The following RBFOX1 variants were observed in gnomAD, a reference collection of about 807,000 sequenced individuals.
RBFOX1 encodes RNA binding protein fox-1 homolog 1.
RBFOX1 carries 8 observed loss-of-function variants against 57.7 expected under a neutral mutation model. The ratio of observed to expected loss-of-function variants is 0.14; its 90% CI spans 0.08 to 0.25. RBFOX1 has a LOEUF of 0.25. Ranked by LOEUF, RBFOX1 falls within the 10% of genes least tolerant of loss-of-function variation. The pLI is 1.00. For synonymous variants in RBFOX1, 326 were observed against 222.4 expected, an observed-to-expected ratio of 1.47 and a Z score of -4.15; for missense variants, 611 against 548.5, an observed-to-expected ratio of 1.11 and a Z score of -1.14.
Position 7,189,139 on chromosome 16 carries a change from C to G in RBFOX1, c.27+137041C>G, listed in dbSNP as rs766819651. On this transcript the variant is annotated intron_variant, in intron 4 of 15. Coordinates refer to ENST00000550418, the MANE Select transcript of RBFOX1 (RefSeq NM_018723.4). ...AAGGAGTGATTTCTAGAAAGGAATC[C>G]TCAGGGCTGGGCACGGTGGCTCATG... 8.1e-4 allele frequency among the ~76,000 whole-genome samples: 123 copies of G among 151,940 alleles called. 1 individual carries two copies. The highest frequency in any genetic ancestry group is 9.2e-4 in the Admixed American group (14 of 15,236).
intron 1 of RBFOX1, among the ~76,000 whole-genome samples, chr16:6,061,319 A>C (rs1269521919): frequency 1.3e-5 from 2 of 152,182 alleles, no homozygotes; most frequent in Admixed American, 1.3e-4. Flanking sequence ...TTCAGAAGAC[A>C]CAACTACAAC....
At chr16:6,670,044 C>T (rs78843373) in intron 3 of RBFOX1, among the ~76,000 whole-genome samples, 1 of 152,132 alleles carries the variant, frequency 6.6e-6, no homozygotes, top group Non-Finnish European at 1.5e-5. Flanking sequence ...TATATTGAGA[C>T]AGGGCCTTGC....
At chr16:7,192,645 A>G (rs370882912) in intron 4 of RBFOX1, among the ~76,000 whole-genome samples, 7 of 152,312 alleles carry the variant, frequency 4.6e-5, no homozygotes, top group African/African-American at 1.7e-4. Flanking sequence ...AGTTTAGATC[A>G]TAGTATTGTT....
intron 2 of RBFOX1, among the ~76,000 whole-genome samples, chr16:6,463,680 A>T (rs1252488077): frequency 6.6e-6 from 1 of 152,210 alleles, no homozygotes; most frequent in Non-Finnish European, 1.5e-5. Context: ...TCACCATGTC[A>T]TTTAGCTCTC....
intron 4 of RBFOX1, among the ~76,000 whole-genome samples, chr16:7,377,827 G>C (rs1465310946): frequency 6.6e-6 from 1 of 152,156 alleles, no homozygotes; most frequent in Non-Finnish European, 1.5e-5. Flanking sequence ...AAGGAATTGA[G>C]AGTAACAAGC....
At chr16:5,564,036 C>T (rs947809391) in intron 2 of RBFOX1, among the ~76,000 whole-genome samples, 3 of 152,018 alleles carry the variant, frequency 2.0e-5, no homozygotes, top group African/African-American at 7.3e-5. Flanking sequence ...TATTTTTAGA[C>T]TGAGTCTTGC....
chr16:6,571,927 A>T (rs1261740000), intron 2 of RBFOX1, among the ~76,000 whole-genome samples: 3 of 152,216 alleles, frequency 2.0e-5, no homozygotes, highest in Non-Finnish European at 4.4e-5. Context: ...TATTACAATT[A>T]TGATTATCAT....
chr16:6,079,292 C>T (rs1021340850), intron 1 of RBFOX1, among the ~76,000 whole-genome samples: 9 of 152,176 alleles, frequency 5.9e-5, no homozygotes, highest in Non-Finnish European at 8.8e-5. Flanking sequence ...GACAACAAAG[C>T]GAGACTCTGT....
intron 3 of RBFOX1, among the ~76,000 whole-genome samples, chr16:6,843,494 C>T (rs757877599): frequency 6.6e-6 from 1 of 152,072 alleles, no homozygotes; most frequent in African/African-American, 2.4e-5. Context: ...CGAGACCATC[C>T]TGGCTAACAC....
chr16:7,665,225 T>G (rs994697130), intron 13 of RBFOX1, among the ~76,000 whole-genome samples: 1 of 152,158 alleles, frequency 6.6e-6, no homozygotes, highest in Admixed American at 6.5e-5. Context: ...AAAGGTGGCA[T>G]TTCTTTCATG....
At chr16:5,845,321 C>G (rs1347440961) in intron 3 of RBFOX1, among the ~76,000 whole-genome samples, 1 of 152,162 alleles carries the variant, frequency 6.6e-6, no homozygotes, top group African/African-American at 2.4e-5. Context: ...GACCAATTAC[C>G]CAGCACTGGG....
intron 4 of RBFOX1, among the ~76,000 whole-genome samples, chr16:7,447,639 C>G (rs944440802): frequency 4.6e-5 from 7 of 152,094 alleles, no homozygotes; most frequent in Non-Finnish European, 8.8e-5. Context: ...GAGCTGTATC[C>G]CAAACTTTTC....
chr16:5,973,068 A>C (rs1216757719), intron 4 of RBFOX1, among the ~76,000 whole-genome samples: 1 of 152,216 alleles, frequency 6.6e-6, no homozygotes. Flanking sequence ...GTGTGGCAGA[A>C]GGTTAAAGAG....
chr16:7,557,102 G>A (rs756360800), intron 5 of RBFOX1, among the ~76,000 whole-genome samples: 2 of 152,052 alleles, frequency 1.3e-5, no homozygotes, highest in Non-Finnish European at 2.9e-5. Context: ...TCCACAGAGC[G>A]AGTATTATAA....
intron 4 of RBFOX1, among the ~76,000 whole-genome samples, chr16:5,892,908 C>T (rs575601181): frequency 2.5e-4 from 38 of 152,178 alleles, no homozygotes; most frequent in African/African-American, 8.9e-4. Context: ...GGGCTGTAGG[C>T]CTTGAATAAA....
intron 4 of RBFOX1, among the ~76,000 whole-genome samples, chr16:5,996,280 G>T (rs1596367976): frequency 6.6e-6 from 1 of 152,038 alleles, no homozygotes; most frequent in Non-Finnish European, 1.5e-5. Flanking sequence ...CCGCACCATG[G>T]CATTCATTTC....
chr16:6,245,087 C>G (rs2097561800), intron 1 of RBFOX1, among the ~76,000 whole-genome samples: 1 of 152,076 alleles, frequency 6.6e-6, no homozygotes, highest in Non-Finnish European at 1.5e-5. Flanking sequence ...TATATCTTCC[C>G]TGGGATGCAG....
chr16:5,669,099 T>C (rs145981043), intron 3 of RBFOX1, among the ~76,000 whole-genome samples: 47 of 152,284 alleles, frequency 3.1e-4, no homozygotes, highest in Admixed American at 7.8e-4. Flanking sequence ...TCAAACCAAG[T>C]TGAATAGACC....
intron 3 of RBFOX1, among the ~76,000 whole-genome samples, chr16:7,028,732 C>T (rs1204650495): frequency 6.6e-6 from 1 of 150,744 alleles, no homozygotes; most frequent in African/African-American, 2.4e-5. Context: ...ACTTGATATG[C>T]ACAGGAAATG....
Sources: allele counts gnomAD v4.1 joint callset (sites outside exome capture counted in the v4.1 genomes callset), GRCh38; gene constraint gnomAD v4.1.1; transcripts MANE v1.5; gene names NCBI Gene and HGNC (gene_info 2026-07-23, HGNC 2026-07-21).